Variants in SLC44A1 observed in about 807,000 individuals in gnomAD.
SLC44A1 encodes the protein choline transporter-like protein 1.
Under a neutral mutation model 79.3 loss-of-function variants are expected in SLC44A1, and 26 were observed. That is an observed-to-expected ratio of 0.33 (90% CI 0.24 to 0.46). The LOEUF (loss-of-function observed/expected upper bound fraction) is 0.46. Ranked by LOEUF, SLC44A1 falls within the 20% of genes least tolerant of loss-of-function variation. SLC44A1 has a pLI of 1.00. For synonymous variants in SLC44A1, 263 were observed against 286.2 expected, an observed-to-expected ratio of 0.92 and a Z score of 0.82; for missense variants, 688 against 798.1, an observed-to-expected ratio of 0.86 and a Z score of 1.66.
intron 3 of SLC44A1, among the ~76,000 whole-genome samples, chr9:105,325,503 T>C (rs1487813050): frequency 6.6e-6 from 1 of 152,230 alleles, no homozygotes; most frequent in East Asian, 1.9e-4. Context: ...AGCCTTTTGC[T>C]GGTGGGGACT....
At chr9:105,324,709 AT>A in intron 3 of SLC44A1, among the ~76,000 whole-genome samples, 1 of 152,240 alleles carries the variant, frequency 6.6e-6, no homozygotes, top group East Asian at 1.9e-4. Flanking sequence ...TCCGAGGGAC[AT>A]TTCTCCAAAA....
chr9:105,394,123 A>T lies in SLC44A1; in HGVS notation c.*5067A>T. ...AGAATTTCAGGGCCCTCAGACGGCCAGCTTCCACCCCTGTACCCCCTCAGG... is the reference window on the plus strand; with the variant it reads ...AGAATTTCAGGGCCCTCAGACGGCCTGCTTCCACCCCTGTACCCCCTCAGG... On this transcript the variant is annotated 3_prime_UTR_variant, in exon 16 of 16. Transcript: ENST00000374720. The T allele has an allele frequency of 1.0e-6, 1 of 985,410 alleles. No individual in the cohort carries two copies. Among genetic ancestry groups the T allele is most frequent in the Non-Finnish European group, 1.2e-6 (1 of 829,938 alleles). The allele number at this position is 985,410 out of a possible 1,614,324, so 61.0% of individuals were successfully genotyped here. A position where few individuals can be genotyped will look rare whatever the true frequency, so the allele number is the denominator to read the frequency against.
intron 12 of SLC44A1, among the ~76,000 whole-genome samples, chr9:105,368,766 G>T (rs1363128913): frequency 6.6e-6 from 1 of 152,046 alleles, no homozygotes; most frequent in African/African-American, 2.4e-5. Flanking sequence ...GGTCAGGCAC[G>T]GTGGCTCACG....
At chr9:105,256,806 GA>G (rs780505456) in intron 1 of SLC44A1, among the ~76,000 whole-genome samples, 59 of 111,512 alleles carry the variant, frequency 5.3e-4, no homozygotes, top group Non-Finnish European at 9.2e-4. Context: ...ATTATTTTTT[GA>G]GATGGACTCT....
intron 12 of SLC44A1, among the ~76,000 whole-genome samples, chr9:105,369,109 C>CG (rs1464572432): frequency 5.9e-5 from 9 of 152,134 alleles, no homozygotes; most frequent in African/African-American, 2.2e-4. Flanking sequence ...TTGAAAAAGT[C>CG]TAAGAATTTA....
rs549927559 is a variant in SLC44A1, at chr9:105,308,439, A to T, written c.127-1285A>T. On this transcript the variant is annotated intron_variant, in intron 2 of 15. Coordinates refer to ENST00000374720, the MANE Select transcript of SLC44A1 (RefSeq NM_080546.5). The stretch of plus-strand genomic sequence containing the variant: ...AGCTAGTGAGTAGCAAATCAGGGCT[A>T]GTCTCTACTCTCAGTCTACTTTTTT... Among the ~76,000 whole-genome samples the T allele has an allele frequency of 2.0e-5, 3 of 152,328 alleles. No homozygotes were observed. The East Asian group carries it at 5.8e-4, about 29-fold the overall frequency.
At position 105,389,354 on chromosome 9, in the gene SLC44A1, A is replaced by G. The variant is rs1828706847; in HGVS notation, c.*298A>G. 5.4e-6 allele frequency: 6 copies of G among 1,108,742 alleles called. No homozygotes were observed. The highest frequency in any genetic ancestry group is 4.8e-5 in the Admixed American group (1 of 20,650). The allele number at this position is 1,108,742 out of a possible 1,614,324, so 68.7% of individuals were successfully genotyped here. ...TGTCTTAATGGAAATGTTAAAATTC[A>G]TATCTGATTAACATTTTTAATAACT... On this transcript the variant is annotated 3_prime_UTR_variant, in exon 16 of 16. Coordinates refer to ENST00000374720, the MANE Select transcript of SLC44A1 (RefSeq NM_080546.5).
chr9:105,281,381 G>GT (rs1012331946), intron 1 of SLC44A1, among the ~76,000 whole-genome samples: 15 of 152,072 alleles, frequency 9.9e-5, no homozygotes, highest in South Asian at 8.3e-4. Context: ...CTTTCTCTTT[G>GT]TTTTTTTACT....
chr9:105,274,878 C>G (rs1830163956), intron 1 of SLC44A1, among the ~76,000 whole-genome samples: 1 of 152,164 alleles, frequency 6.6e-6, no homozygotes, highest in Non-Finnish European at 1.5e-5. Context: ...GCCAGGAACT[C>G]TTAGTTATCT....
At chr9:105,339,220 A>G (rs913726820) in intron 4 of SLC44A1, among the ~76,000 whole-genome samples, 5 of 151,712 alleles carry the variant, frequency 3.3e-5, no homozygotes, top group Non-Finnish European at 7.4e-5. Flanking sequence ...AGACTATCTG[A>G]AGATCTACTA....
chr9:105,415,664 G>A (rs999805923), intron 15 of SLC44A1, among the ~76,000 whole-genome samples: 2 of 152,096 alleles, frequency 1.3e-5, no homozygotes, highest in Non-Finnish European at 2.9e-5. Flanking sequence ...AATACTAAAG[G>A]CATTTAGTGT....
chr9:105,351,673 A>AGAAAGAAAGAACGAAC (rs890106944), intron 5 of SLC44A1, among the ~76,000 whole-genome samples: 1 of 146,586 alleles, frequency 6.8e-6, no homozygotes, highest in Non-Finnish European at 1.5e-5. Flanking sequence ...AAAGAAAGAA[A>AGAAAGAAAGAACGAAC]GAACCAAGAA....
chr9:105,297,317 GT>G (rs5899653), intron 1 of SLC44A1, among the ~76,000 whole-genome samples: 26,841 of 152,060 alleles, frequency 0.18, 3,692 homozygotes, highest in African/African-American at 0.38. Flanking sequence ...TTAAAGTTGT[GT>G]TTTTTCATCT....
chr9:105,372,743 G>A (rs1229323011), intron 12 of SLC44A1, among the ~76,000 whole-genome samples: 20 of 145,832 alleles, frequency 1.4e-4, no homozygotes, highest in South Asian at 4.9e-4. Context: ...GAGGTCAGGA[G>A]ATCGAGACCA....
intron 1 of SLC44A1, among the ~76,000 whole-genome samples, chr9:105,287,862 T>C (rs1417196192): frequency 6.6e-6 from 1 of 152,222 alleles, no homozygotes; most frequent in African/African-American, 2.4e-5. Flanking sequence ...ATTTGAAGTG[T>C]TCTAATCTCC....
At chr9:105,262,618 T>C (rs181586062) in intron 1 of SLC44A1, among the ~76,000 whole-genome samples, 8 of 152,324 alleles carry the variant, frequency 5.3e-5, no homozygotes, top group African/African-American at 1.9e-4. Context: ...GACTTAGTCA[T>C]GTATCTCTGC....
At chr9:105,327,620 T>A (rs1383641263) in intron 3 of SLC44A1, among the ~76,000 whole-genome samples, 1 of 152,202 alleles carries the variant, frequency 6.6e-6, no homozygotes, top group Non-Finnish European at 1.5e-5. Context: ...CAGCCGTCTA[T>A]GAACCATCCT....
intron 15 of SLC44A1, among the ~76,000 whole-genome samples, chr9:105,417,419 C>T (rs1829185616): frequency 6.6e-6 from 1 of 152,118 alleles, no homozygotes; most frequent in African/African-American, 2.4e-5. Context: ...GCTTGGTCTT[C>T]AGCCATACCA....
chr9:105,286,262 A>C (rs2131263785), intron 1 of SLC44A1, among the ~76,000 whole-genome samples: 1 of 152,334 alleles, frequency 6.6e-6, no homozygotes, highest in African/African-American at 2.4e-5. Context: ...AACAGAGCGC[A>C]GCAAAGTGTC....
Sources: allele counts gnomAD v4.1 joint callset (sites outside exome capture counted in the v4.1 genomes callset), GRCh38; gene constraint gnomAD v4.1.1; transcripts MANE v1.5; gene names NCBI Gene and HGNC (gene_info 2026-07-23, HGNC 2026-07-21).